Variants in STXBP6 observed in about 807,000 individuals in gnomAD.
STXBP6 encodes the protein syntaxin-binding protein 6.
A neutral mutation model predicts 26.9 loss-of-function variants in STXBP6; 21 were observed. The ratio of observed to expected loss-of-function variants is 0.78; its 90% CI spans 0.55 to 1.12. The LOEUF is 1.12. Among genes scored for constraint, STXBP6 ranks in the 50% most tolerant of loss-of-function variants. The pLI is 0.00. For synonymous variants in STXBP6, 97 were observed against 92.6 expected (o/e 1.05, Z -0.27); for missense variants, 232 against 257.9 (o/e 0.90, Z 0.69).
chr14:24,861,184 C>T (rs895343826), intron 2 of STXBP6, among the ~76,000 whole-genome samples: 1 of 152,168 alleles, frequency 6.6e-6, no homozygotes, highest in South Asian at 2.1e-4. Context: ...CCTATTTTGA[C>T]CTTACAGTTA....
At chr14:24,949,235 T>G (rs2073088520) in intron 2 of STXBP6, among the ~76,000 whole-genome samples, 1 of 152,198 alleles carries the variant, frequency 6.6e-6, no homozygotes, top group Non-Finnish European at 1.5e-5. Flanking sequence ...TTTAAAAATA[T>G]TAATAGAAGT....
chr14:25,035,508 G>C (rs1414241427), intron 1 of STXBP6, among the ~76,000 whole-genome samples: 1 of 152,098 alleles, frequency 6.6e-6, no homozygotes, highest in East Asian at 1.9e-4. Context: ...AACCTACACA[G>C]GTGTATAGGA....
intron 2 of STXBP6, among the ~76,000 whole-genome samples, chr14:24,939,171 A>T (rs530833453): frequency 3.4e-4 from 52 of 152,336 alleles, no homozygotes; most frequent in Non-Finnish European, 5.6e-4. Flanking sequence ...TACAGTTACC[A>T]ACTAACATTT....
intron 4 of STXBP6, among the ~76,000 whole-genome samples, chr14:24,828,289 T>C (rs2068349011): frequency 6.6e-6 from 1 of 152,196 alleles, no homozygotes. Context: ...AGATCACTGA[T>C]GTGATATTTA....
At chr14:25,025,110 C>G (rs1044113113) in intron 1 of STXBP6, among the ~76,000 whole-genome samples, 4 of 151,970 alleles carry the variant, frequency 2.6e-5, no homozygotes, top group East Asian at 3.9e-4. Flanking sequence ...TTACAAAAAG[C>G]CAAGAAATTT....
In STXBP6 at chr14:24,810,215, A is replaced by G. The variant is rs573402772; in HGVS notation, c.*2494T>C. 6.6e-6 allele frequency: 1 copy of G among 152,390 alleles called. No individual in the cohort carries two copies. The highest frequency in any genetic ancestry group is 6.5e-5 in the Admixed American group (1 of 15,306). The allele number at this position is 152,390 out of a possible 1,614,324, so 9.4% of individuals were successfully genotyped here. A position where few individuals can be genotyped will look rare whatever the true frequency, so the allele number is the denominator to read the frequency against. The stretch of plus-strand genomic sequence containing the variant: ...TATCCCAAAATTCATAGAGAAGTGC[A>G]GAAATGAAACAAATGAAATGTCTTC... On this transcript the variant is annotated 3_prime_UTR_variant, in exon 6 of 6. Coordinates refer to ENST00000323944, the MANE Select transcript of STXBP6 (RefSeq NM_001394410.1).
Position 25,049,594 on chromosome 14 carries a change from G to A in STXBP6, c.-33+284C>T, listed in dbSNP as rs531661727. On this transcript the variant is annotated intron_variant, in intron 1 of 5. Coordinates refer to ENST00000323944, the MANE Select transcript of STXBP6 (RefSeq NM_001394410.1). The surrounding 1 kb of genome is among the most constrained non-coding windows in gnomAD (Gnocchi z 5.6). ...CTCGGAGGAAATCGCTCCGTTCTGC[G>A]GCTTGCCCAATACTGCCCGCACAAC... is the stretch of plus-strand genomic sequence containing the variant. 74 of 985,436 alleles carry A rather than the reference G, an allele frequency of 7.5e-5. No individual in the cohort carries two copies. Among genetic ancestry groups the A allele is most frequent in the Non-Finnish European group, 8.8e-5 (73 of 829,992 alleles). The allele number at this position is 985,436 out of a possible 1,614,324, so 61.0% of individuals were successfully genotyped here. A position where few individuals can be genotyped will look rare whatever the true frequency, so the allele number is the denominator to read the frequency against.
intron 1 of STXBP6, among the ~76,000 whole-genome samples, chr14:25,042,368 G>A (rs1406996338): frequency 6.6e-6 from 1 of 152,206 alleles, no homozygotes; most frequent in African/African-American, 2.4e-5. Context: ...AGAGGCTGGT[G>A]AGGGCAAGGG....
At position 24,862,814 on chromosome 14, in the gene STXBP6, A is replaced by C. The variant is rs116083663; in HGVS notation, c.155-5657T>G. ...TCTATGGGAAGGCTGCTTTAATATG[A>C]AGGCACAGCACTACGTCCAGAGTAG... On this transcript the variant is annotated intron_variant, in intron 2 of 5. Transcript: ENST00000323944. Among the ~76,000 whole-genome samples the C allele has an allele frequency of 5.2e-3, 793 of 152,310 alleles. 7 individuals are homozygous for C. The highest frequency in any genetic ancestry group is 0.018 in the African/African-American group (767 of 41,584).
intron 2 of STXBP6, among the ~76,000 whole-genome samples, chr14:24,964,026 A>C (rs1007761844): frequency 6.6e-6 from 1 of 150,516 alleles, no homozygotes; most frequent in Non-Finnish European, 1.5e-5. Context: ...TATAATCCAG[A>C]GTGAACGTGT....
At chr14:25,041,590 A>T (rs2075643083) in intron 1 of STXBP6, among the ~76,000 whole-genome samples, 1 of 151,954 alleles carries the variant, frequency 6.6e-6, no homozygotes, top group Non-Finnish European at 1.5e-5. Flanking sequence ...ACAAACAAAA[A>T]ACAGCTCACT....
At position 25,049,757 on chromosome 14, in the gene STXBP6, G is replaced by A. The variant is rs1055369621; in HGVS notation, c.-33+121C>T. The A allele has an allele frequency of 1.2e-4, 123 of 985,376 alleles. No individual in the cohort carries two copies. The highest frequency in any genetic ancestry group is 1.4e-4 in the Non-Finnish European group (119 of 830,048). 61.0% of individuals were successfully genotyped at this position (985,376 alleles called of 1,614,324 possible). On this transcript the variant is annotated intron_variant, in intron 1 of 5. Transcript: ENST00000323944. This position sits in a 1 kb window ranked among gnomAD's most constrained non-coding sequence, Gnocchi z 5.6. ...CTCTGGGAGCCTGCCTACTCCCCTGGCCTCACAGCCACCCGCCTCGGACGG... is the reference window on the plus strand; with the variant it reads ...CTCTGGGAGCCTGCCTACTCCCCTGACCTCACAGCCACCCGCCTCGGACGG...
chr14:25,042,538 T>C (rs1026446107), intron 1 of STXBP6, among the ~76,000 whole-genome samples: 1 of 152,232 alleles, frequency 6.6e-6, no homozygotes, highest in African/African-American at 2.4e-5. Context: ...ACTCTGATCA[T>C]ACAGATAAGA....
chr14:24,862,292 C>T (rs2069570160), intron 2 of STXBP6, among the ~76,000 whole-genome samples: 1 of 152,112 alleles, frequency 6.6e-6, no homozygotes, highest in African/African-American at 2.4e-5. Flanking sequence ...GCCACCATGC[C>T]CGACCTAAAC....
At position 24,884,081 on chromosome 14, in the gene STXBP6, C is replaced by CA. The variant is rs370519391; in HGVS notation, c.155-26925dup. On this transcript the variant is annotated intron_variant, in intron 2 of 5. Transcript: ENST00000323944. ...CATGTAACTGTATAGCTATCTCTGC[C>CA]AAAAAAAAAGGTGGGGGGGCACATC... is the stretch of plus-strand genomic sequence containing the variant. Among the ~76,000 whole-genome samples, 1,233 of 148,410 alleles carry CA rather than the reference C, an allele frequency of 8.3e-3. 36 individuals are homozygous for CA. The highest frequency in any genetic ancestry group is 0.065 in the East Asian group (334 of 5,106).
At chr14:24,852,840 GT>G (rs1296199581) in intron 4 of STXBP6, among the ~76,000 whole-genome samples, 1 of 152,074 alleles carries the variant, frequency 6.6e-6, no homozygotes, top group African/African-American at 2.4e-5. Context: ...AATGTCAATG[GT>G]GTTTCCTGGA....
intron 1 of STXBP6, among the ~76,000 whole-genome samples, chr14:25,012,497 G>A (rs1011703690): frequency 2.0e-5 from 3 of 152,160 alleles, no homozygotes; most frequent in Non-Finnish European, 4.4e-5. Context: ...GGGAGTCTGA[G>A]GCAGAGGAAT....
chr14:24,847,761 C>T (rs2069013485), intron 4 of STXBP6, among the ~76,000 whole-genome samples: 1 of 152,094 alleles, frequency 6.6e-6, no homozygotes, highest in Admixed American at 6.6e-5. Context: ...GTTTAGAAAA[C>T]ATGTTTTAGG....
intron 2 of STXBP6, among the ~76,000 whole-genome samples, chr14:24,903,878 G>A (rs558355787): frequency 2.0e-5 from 3 of 152,298 alleles, no homozygotes; most frequent in African/African-American, 7.2e-5. Context: ...TTAAGTGAGC[G>A]TTCTTGTGAA....
Sources: allele counts gnomAD v4.1 joint callset (sites outside exome capture counted in the v4.1 genomes callset), GRCh38; gene constraint gnomAD v4.1.1; non-coding constraint Gnocchi (gnomAD v3.1); transcripts MANE v1.5; gene names NCBI Gene and HGNC (gene_info 2026-07-23, HGNC 2026-07-21).